Variants in GSDME observed in about 807,000 individuals in gnomAD.
The protein encoded by GSDME is gasdermin E.
Under a neutral mutation model 47.5 loss-of-function variants are expected in GSDME, and 44 were observed. The ratio of observed to expected loss-of-function variants is 0.93; its 90% CI spans 0.73 to 1.19. The LOEUF (loss-of-function observed/expected upper bound fraction) is 1.19. GSDME is among the 50% of genes most tolerant of loss of function. GSDME has a pLI of 0.00. For synonymous variants in GSDME, 258 were observed against 252.8 expected (o/e 1.02, Z -0.20); for missense variants, 663 against 604.2 (o/e 1.10, Z -1.02).
chr7:24,726,444 A>G lies in GSDME; in HGVS notation c.405-7226T>C, dbSNP rs1271737555. Among the ~76,000 whole-genome samples the G allele has an allele frequency of 6.6e-6, 1 of 152,180 alleles. No homozygotes were observed. Among genetic ancestry groups the G allele is most frequent in the Non-Finnish European group, 1.5e-5 (1 of 68,018 alleles). ...AAATACCTGAGTTCTGCTATGCTCC[A>G]GGCACCAGGCCAGATGCAAGTTTCT... On this transcript the variant is annotated intron_variant, in intron 3 of 9. Transcript: ENST00000645220. The surrounding 1 kb of genome is among the most constrained non-coding windows in gnomAD (Gnocchi z 5.6).
chr7:24,782,136 T>A, the GSDME span, among the ~76,000 whole-genome samples: 5 of 152,088 alleles, frequency 3.3e-5, no homozygotes, highest in Non-Finnish European at 7.4e-5. Flanking sequence ...TTACATATGT[T>A]TACATGTGCC....
chr7:24,777,029 T>G, the GSDME span, among the ~76,000 whole-genome samples: 2 of 152,060 alleles, frequency 1.3e-5, no homozygotes, highest in Non-Finnish European at 2.9e-5. Flanking sequence ...ATTCACTGTA[T>G]TATATTTTAA....
At position 24,716,496 on chromosome 7, in the gene GSDME, C is replaced by T. The variant is rs540902593; in HGVS notation, c.697+758G>A. ...ATGTTACATTTACCCACTCATGTCC[C>T]TAAGGAGCGGTCACACAGCTTTCAT... On this transcript the variant is annotated intron_variant, in intron 5 of 9. Transcript: ENST00000645220. This position sits in a 1 kb window ranked among gnomAD's most constrained non-coding sequence, Gnocchi z 4.5. 10 of 152,760 alleles carry T rather than the reference C, an allele frequency of 6.5e-5. No individual in the cohort carries two copies. The highest frequency in any genetic ancestry group is 2.6e-4 in the Admixed American group (4 of 15,338). The allele number at this position is 152,760 out of a possible 1,614,324, so 9.5% of individuals were successfully genotyped here.
chr7:24,748,077 C>T (rs1405018977), intron 2 of GSDME, among the ~76,000 whole-genome samples: 1 of 148,710 alleles, frequency 6.7e-6, no homozygotes, highest in Non-Finnish European at 1.5e-5. Flanking sequence ...ATATTTAAAC[C>T]TAATTAAATA....
Position 24,716,883 on chromosome 7 carries a change from G to C in GSDME, c.697+371C>G, listed in dbSNP as rs1584066522. ...AGACAGGGAAGCCAAGACTCAGCAA[G>C]ATTCAGCAACTTGCCTGAGACCTCA... On this transcript the variant is annotated intron_variant, in intron 5 of 9. Coordinates refer to ENST00000645220, the MANE Select transcript of GSDME (RefSeq NM_001127453.2). The surrounding 1 kb of genome is among the most constrained non-coding windows in gnomAD (Gnocchi z 4.5). 3.1e-6 allele frequency: 1 copy of C among 321,030 alleles called. No individual in the cohort carries two copies. Among genetic ancestry groups the C allele is most frequent in the Non-Finnish European group, 6.1e-6 (1 of 163,434 alleles). The allele number at this position is 321,030 out of a possible 1,614,324, so 19.9% of individuals were successfully genotyped here.
Position 24,745,842 on chromosome 7 carries a change from G to A in GSDME, c.212-1088C>T, listed in dbSNP as rs983985183. ...TGACAGAGCAACACCTTATCTCTAA[G>A]AAAATATAAAAATAATAACAAATAA... On this transcript the variant is annotated intron_variant, in intron 2 of 9. Transcript: ENST00000645220. This position sits in a 1 kb window ranked among gnomAD's most constrained non-coding sequence, Gnocchi z 4.4. 6.6e-5 allele frequency among the ~76,000 whole-genome samples: 10 copies of A among 152,018 alleles called. No homozygotes were observed. The highest frequency in any genetic ancestry group is 1.5e-4 in the Non-Finnish European group (10 of 67,982).
Position 24,712,619 on chromosome 7 carries a change from T to A in GSDME, c.698-2231A>T, listed in dbSNP as rs1482374194. On this transcript the variant is annotated intron_variant, in intron 5 of 9. Transcript: ENST00000645220. The surrounding 1 kb of genome is among the most constrained non-coding windows in gnomAD (Gnocchi z 4.4). ...AGTGTGGTAAGAGTGGGGACAGCGGTTGAACAGGGCTGAGGCCAGAGTGAC... is the reference window on the plus strand; with the variant it reads ...AGTGTGGTAAGAGTGGGGACAGCGGATGAACAGGGCTGAGGCCAGAGTGAC... 6.6e-6 allele frequency among the ~76,000 whole-genome samples: 1 copy of A among 152,124 alleles called. No individual in the cohort carries two copies. Among genetic ancestry groups the A allele is most frequent in the African/African-American group, 2.4e-5 (1 of 41,422 alleles).
chr7:24,724,268 C>T lies in GSDME; in HGVS notation c.405-5050G>A, dbSNP rs574838280. On this transcript the variant is annotated intron_variant, in intron 3 of 9. Transcript: ENST00000645220. The surrounding 1 kb of genome is among the most constrained non-coding windows in gnomAD (Gnocchi z 4.8). ...CTTGCTCTTTTTATTGGTGCCTAGC[C>T]CTGTGCTATCCACCCAGCTGGGGGA... Among the ~76,000 whole-genome samples the T allele has an allele frequency of 4.9e-4, 74 of 152,114 alleles. No individual in the cohort carries two copies. The highest frequency in any genetic ancestry group is 3.4e-3 in the Middle Eastern group (1 of 294).
At chr7:24,715,831 A>G (rs1335421893) in intron 5 of GSDME, among the ~76,000 whole-genome samples, 2 of 152,104 alleles carry the variant, frequency 1.3e-5, no homozygotes, top group Non-Finnish European at 2.9e-5. Flanking sequence ...TCAAACTGAC[A>G]CTTTCTCTTT....
At chr7:24,737,452 G>A (rs970614671) in intron 3 of GSDME, among the ~76,000 whole-genome samples, 2 of 149,892 alleles carry the variant, frequency 1.3e-5, no homozygotes, top group African/African-American at 4.9e-5. Flanking sequence ...TGAAGAAATG[G>A]GATCAAAGCC....
In GSDME at chr7:24,739,886, A is replaced by G. The variant is rs577594724; in HGVS notation, c.404+4676T>C. Among the ~76,000 whole-genome samples the G allele has an allele frequency of 8.8e-4, 134 of 152,314 alleles. No individual in the cohort carries two copies. The highest frequency in any genetic ancestry group is 3.1e-3 in the African/African-American group (129 of 41,574). Reference sequence around the variant, plus strand: ...AAGGCAGGCGGATCACGAGGTCAGGAGTTCAAGACCAGCCTGGCCAATATG... The same window carrying G: ...AAGGCAGGCGGATCACGAGGTCAGGGGTTCAAGACCAGCCTGGCCAATATG... On this transcript the variant is annotated intron_variant, in intron 3 of 9. Coordinates refer to ENST00000645220, the MANE Select transcript of GSDME (RefSeq NM_001127453.2). This position sits in a 1 kb window ranked among gnomAD's most constrained non-coding sequence, Gnocchi z 5.1.
At position 24,736,316 on chromosome 7, in the gene GSDME, T is replaced by C; in HGVS notation, c.404+8246A>G. 6.6e-6 allele frequency among the ~76,000 whole-genome samples: 1 copy of C among 151,412 alleles called. No homozygotes were observed. The highest frequency in any genetic ancestry group is 1.9e-4 in the East Asian group (1 of 5,182). The stretch of plus-strand genomic sequence containing the variant: ...TATAAAGACACATATAGACTGAAAA[T>C]AAAGGGATGGAAAAAGCCCATGCAA... On this transcript the variant is annotated intron_variant, in intron 3 of 9. Transcript: ENST00000645220. This position sits in a 1 kb window ranked among gnomAD's most constrained non-coding sequence, Gnocchi z 4.6.
At chr7:24,789,396 G>A in the GSDME span, among the ~76,000 whole-genome samples, 17 of 152,244 alleles carry the variant, frequency 1.1e-4, no homozygotes, top group South Asian at 1.4e-3. Flanking sequence ...AAAAAACCAA[G>A]CTCCCTGAGT....
rs1022534861 is a variant in GSDME at position 24,728,745 on chromosome 7, C to T, written c.405-9527G>A. 6.6e-6 allele frequency among the ~76,000 whole-genome samples: 1 copy of T among 152,210 alleles called. No homozygotes were observed. The highest frequency in any genetic ancestry group is 1.9e-4 in the East Asian group (1 of 5,198). ...GTACTAGCAGTCCCCATTTCAACCA[C>T]GTTTCATAACAGAAACTTCCCACAC... On this transcript the variant is annotated intron_variant, in intron 3 of 9. Transcript: ENST00000645220. This position sits in a 1 kb window ranked among gnomAD's most constrained non-coding sequence, Gnocchi z 7.2.
upstream of GSDME, among the ~76,000 whole-genome samples, chr7:24,759,730 GT>G (rs1791136625): frequency 6.6e-6 from 1 of 152,110 alleles, no homozygotes; most frequent in Admixed American, 6.5e-5. Flanking sequence ...TGCAGTAGGG[GT>G]CCCCCCACCC....
the GSDME span, among the ~76,000 whole-genome samples, chr7:24,786,155 C>T: frequency 2.6e-4 from 39 of 152,190 alleles, no homozygotes; most frequent in Non-Finnish European, 4.6e-4. The surrounding 1 kb of genome is among the most constrained non-coding windows in gnomAD (Gnocchi z 5.5). Context: ...TGTTGGGGCA[C>T]GTGAGATTTG....
At chr7:24,759,661 C>G (rs922608229), upstream of GSDME, among the ~76,000 whole-genome samples, 5 of 152,184 alleles carry the variant, frequency 3.3e-5, no homozygotes, top group African/African-American at 1.2e-4. Flanking sequence ...TCAGCACCAT[C>G]TGAGTTTTAA....
chr7:24,766,183 T>TTGTGTGTG, the GSDME span, among the ~76,000 whole-genome samples: 4,186 of 144,552 alleles, frequency 0.029, 121 homozygotes, highest in East Asian at 0.093. This position sits in a 1 kb window ranked among gnomAD's most constrained non-coding sequence, Gnocchi z 4.2. Flanking sequence ...ATTACATTAT[T>TTGTGTGTG]TGTGTGTGTG....
the GSDME span, among the ~76,000 whole-genome samples, chr7:24,764,977 G>A: frequency 5.4e-3 from 821 of 152,274 alleles, 14 homozygotes; most frequent in African/African-American, 0.019. The surrounding 1 kb of genome is among the most constrained non-coding windows in gnomAD (Gnocchi z 4.4). Context: ...AGCTTTAAAA[G>A]GTCCCAGCAA....
Sources: gnomAD v4.1 joint callset for allele counts (sites outside exome capture counted in the v4.1 genomes callset) on GRCh38, gnomAD v4.1.1 for gene constraint, Gnocchi (gnomAD v3.1) non-coding constraint, MANE v1.5 for transcripts, NCBI Gene and HGNC (gene_info 2026-07-23, HGNC 2026-07-21) for gene names.